The following EDIL3 variants were observed in gnomAD, a reference collection of about 807,000 sequenced individuals.
EDIL3 encodes the protein EGF like and discoidin domains 3.
Under a neutral mutation model 67.4 loss-of-function variants are expected in EDIL3, and 37 were observed. That is an observed-to-expected ratio of 0.55 (90% CI 0.42 to 0.72). The LOEUF (loss-of-function observed/expected upper bound fraction) is 0.72. EDIL3 is among the 30% of genes least tolerant of loss of function. The pLI is 0.00. For missense variants in EDIL3, 527 were observed against 586.3 expected, an observed-to-expected ratio of 0.90 and a Z score of 1.04; for synonymous variants, 195 against 196.3, an observed-to-expected ratio of 0.99 and a Z score of 0.05.
intron 9 of EDIL3, among the ~76,000 whole-genome samples, chr5:84,042,974 A>G (rs1284283275): frequency 6.6e-6 from 1 of 152,224 alleles, no homozygotes; most frequent in Non-Finnish European, 1.5e-5. Context: ...ATGAACATAG[A>G]AATGAACACA....
intron 4 of EDIL3, among the ~76,000 whole-genome samples, chr5:84,140,668 G>C (rs900402475): frequency 2.6e-5 from 4 of 152,062 alleles, no homozygotes; most frequent in African/African-American, 9.7e-5. Context: ...CTCAATTTGT[G>C]ATAGAATGAC....
At chr5:84,117,122 G>A (rs1747684266) in intron 5 of EDIL3, among the ~76,000 whole-genome samples, 1 of 140,950 alleles carries the variant, frequency 7.1e-6, no homozygotes, top group African/African-American at 2.6e-5. Context: ...CCGCCTCCCG[G>A]GTTCACGCCA....
chr5:84,365,442 A>G (rs1747709162), intron 1 of EDIL3, among the ~76,000 whole-genome samples: 2 of 152,180 alleles, frequency 1.3e-5, no homozygotes, highest in Non-Finnish European at 2.9e-5. Flanking sequence ...GTAAAATAAA[A>G]ACAACCTTAG....
chr5:84,095,687 T>C (rs979236846), intron 6 of EDIL3, among the ~76,000 whole-genome samples: 11 of 152,150 alleles, frequency 7.2e-5, no homozygotes, highest in African/African-American at 2.7e-4. Context: ...AAGCAAAGCA[T>C]AAAAGTTTGG....
chr5:84,262,534 G>A (rs1459541640), intron 1 of EDIL3, among the ~76,000 whole-genome samples: 3 of 151,628 alleles, frequency 2.0e-5, no homozygotes, highest in Admixed American at 1.3e-4. Context: ...AGGGAAAATA[G>A]AATAGCTACT....
In EDIL3 at chr5:84,147,052, A is replaced by T. The variant is rs1028301739; in HGVS notation, c.356-9698T>A. Among the ~76,000 whole-genome samples the T allele has an allele frequency of 2.6e-5, 4 of 152,104 alleles. No homozygotes were observed. In the South Asian group the frequency reaches 8.3e-4, roughly 32 times the overall value. ...CCCTACACCCACATAAAGGTGACAG[A>T]TCCCCTGCTTGGTATGGAAGTCACA... is the stretch of plus-strand genomic sequence containing the variant. On this transcript the variant is annotated intron_variant, in intron 4 of 10. Coordinates refer to ENST00000296591, the MANE Select transcript of EDIL3 (RefSeq NM_005711.5).
chr5:83,950,360 G>A (rs565685440), intron 10 of EDIL3, among the ~76,000 whole-genome samples: 1 of 151,944 alleles, frequency 6.6e-6, no homozygotes, highest in South Asian at 2.1e-4. Flanking sequence ...AATTTGTGAT[G>A]AGTAATTGGT....
chr5:84,329,006 C>A (rs1746820348), intron 1 of EDIL3, among the ~76,000 whole-genome samples: 1 of 152,088 alleles, frequency 6.6e-6, no homozygotes, highest in African/African-American at 2.4e-5. Context: ...ATCTCTCCCA[C>A]CACTTAAACT....
At chr5:84,367,592 G>A (rs913094318) in intron 1 of EDIL3, among the ~76,000 whole-genome samples, 3 of 152,072 alleles carry the variant, frequency 2.0e-5, no homozygotes, top group African/African-American at 7.2e-5. Context: ...GACTAGCCTG[G>A]CCAACATGGT....
intron 1 of EDIL3, among the ~76,000 whole-genome samples, chr5:84,275,997 A>G (rs1745577349): frequency 6.6e-6 from 1 of 152,194 alleles, no homozygotes; most frequent in South Asian, 2.1e-4. Flanking sequence ...TCTAGTTTAC[A>G]TTTTTCATTG....
intron 9 of EDIL3, among the ~76,000 whole-genome samples, chr5:83,983,086 T>C (rs910349874): frequency 6.6e-6 from 1 of 152,176 alleles, no homozygotes; most frequent in East Asian, 1.9e-4. Context: ...CTTTTTATAA[T>C]TGCTTTGAAG....
chr5:84,285,094 AC>A (rs962703261), intron 1 of EDIL3, among the ~76,000 whole-genome samples: 5 of 152,170 alleles, frequency 3.3e-5, no homozygotes, highest in African/African-American at 1.2e-4. Context: ...TTATATTTGA[AC>A]CATATACGTA....
intron 10 of EDIL3, among the ~76,000 whole-genome samples, chr5:83,959,558 A>G (rs1016029980): frequency 1.3e-5 from 2 of 150,342 alleles, no homozygotes; most frequent in Non-Finnish European, 3.0e-5. Flanking sequence ...TTTTGCCCTG[A>G]AACATTCAAT....
intron 9 of EDIL3, among the ~76,000 whole-genome samples, chr5:83,992,832 T>C (rs890022005): frequency 1.3e-4 from 20 of 151,708 alleles, no homozygotes; most frequent in Non-Finnish European, 1.9e-4. Context: ...GTTATGGCCA[T>C]AGAGTTATTT....
chr5:84,251,414 C>CA (rs1676642280), intron 2 of EDIL3, among the ~76,000 whole-genome samples: 1 of 138,786 alleles, frequency 7.2e-6, no homozygotes, highest in African/African-American at 2.6e-5. Flanking sequence ...CACGCCCGGC[C>CA]TTTTTTTTTT....
intron 2 of EDIL3, among the ~76,000 whole-genome samples, chr5:84,246,463 C>G (rs1235979399): frequency 6.6e-6 from 1 of 152,198 alleles, no homozygotes; most frequent in East Asian, 1.9e-4. Context: ...TCACACACTT[C>G]TGAGATAATA....
chr5:83,986,238 T>C (rs568085340), intron 9 of EDIL3, among the ~76,000 whole-genome samples: 117 of 152,234 alleles, frequency 7.7e-4, no homozygotes, highest in Non-Finnish European at 7.2e-4. Flanking sequence ...ACTTGCAAAA[T>C]TTCTTAAACT....
intron 1 of EDIL3, among the ~76,000 whole-genome samples, chr5:84,376,881 T>C (rs1747978080): frequency 6.6e-6 from 1 of 152,182 alleles, no homozygotes; most frequent in Admixed American, 6.5e-5. Context: ...GCACTGCGAA[T>C]GGTAATTTGG....
At chr5:84,126,549 AT>A (rs1209301632) in intron 5 of EDIL3, among the ~76,000 whole-genome samples, 2 of 152,100 alleles carry the variant, frequency 1.3e-5, no homozygotes, top group Non-Finnish European at 2.9e-5. Flanking sequence ...TTAGTGAAAA[AT>A]GTCAATGTTA....
Sources: allele counts gnomAD v4.1 joint callset (sites outside exome capture counted in the v4.1 genomes callset), GRCh38; gene constraint gnomAD v4.1.1; transcripts MANE v1.5; gene names NCBI Gene and HGNC (gene_info 2026-07-23, HGNC 2026-07-21).